C8orf34: variants seen among roughly 807,000 people sequenced by gnomAD.
C8orf34 encodes the protein chromosome 8 open reading frame 34, also known as uncharacterized protein C8orf34.
Under a neutral mutation model 68.3 loss-of-function variants are expected in C8orf34, and 65 were observed. The observed-to-expected ratio is 0.95, with a 90% confidence interval of 0.78 to 1.17. C8orf34 has a LOEUF of 1.17. C8orf34 is among the 50% of genes most tolerant of loss of function. The pLI, the probability that C8orf34 is intolerant of heterozygous loss-of-function variation, is 0.00. For synonymous variants in C8orf34, 244 were observed against 241.2 expected, an observed-to-expected ratio of 1.01 and a Z score of -0.11; for missense variants, 664 against 655.4, an observed-to-expected ratio of 1.01 and a Z score of -0.14.
chr8:68,602,882 C>G (rs1296294633), intron 7 of C8orf34, among the ~76,000 whole-genome samples: 1 of 152,074 alleles, frequency 6.6e-6, no homozygotes, highest in Non-Finnish European at 1.5e-5. Flanking sequence ...CCCATGTTTT[C>G]TGTTCATGAG....
At chr8:68,406,557 C>A (rs982569035) in intron 1 of C8orf34, among the ~76,000 whole-genome samples, 2 of 151,888 alleles carry the variant, frequency 1.3e-5, no homozygotes, top group Non-Finnish European at 2.9e-5. Flanking sequence ...AGTGCAGTGG[C>A]GTGATCTCAG....
At chr8:68,807,575 T>C (rs1300512184) in intron 12 of C8orf34, among the ~76,000 whole-genome samples, 2 of 152,192 alleles carry the variant, frequency 1.3e-5, no homozygotes, top group Non-Finnish European at 2.9e-5. Context: ...TTAAAATCCA[T>C]GTTTGATAAG....
At chr8:68,788,738 A>G (rs1201731312) in intron 12 of C8orf34, among the ~76,000 whole-genome samples, 1 of 152,136 alleles carries the variant, frequency 6.6e-6, no homozygotes, top group Admixed American at 6.5e-5. Flanking sequence ...GCTCACCTGT[A>G]GTCCCAGCTC....
At chr8:68,785,571 G>A (rs144115076) in intron 11 of C8orf34, among the ~76,000 whole-genome samples, 5 of 152,280 alleles carry the variant, frequency 3.3e-5, no homozygotes, top group African/African-American at 1.2e-4. Context: ...AGTTAGTTAG[G>A]TTAGCACCTT....
intron 10 of C8orf34, among the ~76,000 whole-genome samples, chr8:68,759,077 T>C (rs1822953252): frequency 6.6e-6 from 1 of 152,062 alleles, no homozygotes; most frequent in Non-Finnish European, 1.5e-5. Context: ...GACACATACA[T>C]ACATATACAC....
intron 8 of C8orf34, among the ~76,000 whole-genome samples, chr8:68,649,576 A>C (rs1819282151): frequency 6.6e-6 from 1 of 152,230 alleles, no homozygotes; most frequent in South Asian, 2.1e-4. Context: ...GAAGGAAGAC[A>C]TGAGAATAAC....
At position 68,465,784 on chromosome 8, in the gene C8orf34, C is replaced by T. The variant is rs1382916644; in HGVS notation, c.608-2908C>T. 2.7e-5 allele frequency among the ~76,000 whole-genome samples: 4 copies of T among 150,604 alleles called. No homozygotes were observed. The South Asian group carries it at 8.4e-4, about 32-fold the overall frequency. ...CATGGACACAGGAAGGGGAACATCA[C>T]ACTCTGGGGCCTGTTGTGGGGTGGG... On this transcript the variant is annotated intron_variant, in intron 3 of 13. Coordinates refer to ENST00000518698, the MANE Select transcript of C8orf34 (RefSeq NM_052958.4).
rs928763282 is a variant in C8orf34 at position 68,406,229 on chromosome 8, A to G, written c.328-33270A>G. On this transcript the variant is annotated intron_variant, in intron 1 of 13. Coordinates refer to ENST00000518698, the MANE Select transcript of C8orf34 (RefSeq NM_052958.4). ...CCTCTGGGGGCTTTGGTTTCAGTAA[A>G]CATACACGTAGTTTTGGTCTTTCTT... Among the ~76,000 whole-genome samples, 9 of 152,220 alleles carry G rather than the reference A, an allele frequency of 5.9e-5. No homozygotes were observed. In the South Asian group the frequency reaches 8.3e-4, roughly 14 times the overall value.
rs1353787363 is a variant in C8orf34 at position 68,331,004 on chromosome 8, A to G, written c.-9A>G. On this transcript the variant is annotated 5_prime_UTR_variant, in exon 1 of 14. Transcript: ENST00000518698. ...GGCGAGGGTGGGCGCGAGGCGGAGA[A>G]CGCGATGAATGAGTTCTCCCCTCGC... 3.6e-6 allele frequency: 5 copies of G among 1,400,248 alleles called. No individual in the cohort carries two copies. In the African/African-American group the frequency reaches 6.1e-5, roughly 17 times the overall value. 86.7% of individuals were successfully genotyped at this position (1,400,248 alleles called of 1,614,324 possible).
chr8:68,515,264 G>GC (rs1441357816), intron 5 of C8orf34, among the ~76,000 whole-genome samples: 1 of 142,808 alleles, frequency 7.0e-6, no homozygotes, highest in Non-Finnish European at 1.5e-5. Context: ...CACTTATTTA[G>GC]TTTTTTTTTT....
intron 10 of C8orf34, among the ~76,000 whole-genome samples, chr8:68,759,486 T>C (rs917715554): frequency 7.9e-5 from 12 of 152,190 alleles, no homozygotes; most frequent in African/African-American, 2.7e-4. Context: ...GTGGGACTTA[T>C]ATTTCCAGCC....
intron 1 of C8orf34, among the ~76,000 whole-genome samples, chr8:68,349,976 CT>C (rs1429641355): frequency 6.6e-6 from 1 of 151,712 alleles, no homozygotes. Flanking sequence ...CAGTTCAGCT[CT>C]GAGTTTTGTT....
At chr8:68,799,395 G>A (rs1171217075) in intron 12 of C8orf34, among the ~76,000 whole-genome samples, 1 of 152,154 alleles carries the variant, frequency 6.6e-6, no homozygotes, top group African/African-American at 2.4e-5. Context: ...TGCAAGCAAA[G>A]CCTATTGTTT....
At chr8:68,773,659 T>A (rs929368382) in intron 10 of C8orf34, among the ~76,000 whole-genome samples, 1 of 152,144 alleles carries the variant, frequency 6.6e-6, no homozygotes, top group Admixed American at 6.5e-5. Flanking sequence ...GTGCTGGGAT[T>A]ACAGGTGTGA....
At chr8:68,766,281 C>A (rs1010878076) in intron 10 of C8orf34, among the ~76,000 whole-genome samples, 2 of 152,058 alleles carry the variant, frequency 1.3e-5, no homozygotes, top group African/African-American at 4.8e-5. Flanking sequence ...TCACCTTAGC[C>A]GTTTAGTCAT....
intron 3 of C8orf34, among the ~76,000 whole-genome samples, chr8:68,460,971 G>T (rs898908255): frequency 6.6e-6 from 1 of 152,222 alleles, no homozygotes; most frequent in African/African-American, 2.4e-5. Context: ...TGAGAAGAAG[G>T]CTTCAGATGA....
In C8orf34 at chr8:68,739,106, G is replaced by A. The variant is rs550126766; in HGVS notation, c.1404+17669G>A. ...CAAAAAGCTTACCACAATCAAGTGG[G>A]CTTTATCCCTGGGACGCATGGTTGG... On this transcript the variant is annotated intron_variant, in intron 10 of 13. Coordinates refer to ENST00000518698, the MANE Select transcript of C8orf34 (RefSeq NM_052958.4). Among the ~76,000 whole-genome samples the A allele has an allele frequency of 2.7e-4, 41 of 152,220 alleles. No homozygotes were observed. The South Asian group carries it at 8.5e-3, about 32-fold the overall frequency.
At chr8:68,524,330 C>T (rs1021967683) in intron 6 of C8orf34, among the ~76,000 whole-genome samples, 2 of 152,044 alleles carry the variant, frequency 1.3e-5, no homozygotes, top group African/African-American at 2.4e-5. Context: ...CCTAGGTCCC[C>T]CAAATATGAC....
chr8:68,765,931 A>G (rs536687319), intron 10 of C8orf34, among the ~76,000 whole-genome samples: 2 of 152,224 alleles, frequency 1.3e-5, no homozygotes, highest in Non-Finnish European at 2.9e-5. Context: ...TTTCTCACGA[A>G]GTTTACATTG....
Sources: gnomAD v4.1 joint callset for allele counts (sites outside exome capture counted in the v4.1 genomes callset) on GRCh38, gnomAD v4.1.1 for gene constraint, MANE v1.5 for transcripts, NCBI Gene and HGNC (gene_info 2026-07-23, HGNC 2026-07-21) for gene names.